Variants in CDC42BPA observed in about 807,000 individuals in gnomAD.
The protein encoded by CDC42BPA is CDC42 binding protein kinase alpha, also known as serine/threonine-protein kinase MRCK alpha.
A neutral mutation model predicts 223.5 loss-of-function variants in CDC42BPA; 80 were observed. The ratio of observed to expected loss-of-function variants is 0.36; its 90% CI spans 0.30 to 0.43. The LOEUF (loss-of-function observed/expected upper bound fraction) is 0.43, where lower values mean the gene tolerates loss of function less well. Ranked by LOEUF, CDC42BPA falls within the 20% of genes least tolerant of loss-of-function variation. The pLI is 1.00. For missense variants in CDC42BPA, 1,743 were observed against 2,099.9 expected (o/e 0.83, Z 3.32); for synonymous variants, 694 against 718.6 (o/e 0.97, Z 0.55).
At chr1:227,262,824 T>C (rs1248930339) in intron 1 of CDC42BPA, among the ~76,000 whole-genome samples, 1 of 152,240 alleles carries the variant, frequency 6.6e-6, no homozygotes, top group Non-Finnish European at 1.5e-5. Flanking sequence ...TTTTAAAATA[T>C]AACTCACCTA....
rs1669704577 is a variant in CDC42BPA, at chr1:227,033,547, A to C, written c.3477-132T>G. ...CCAAATTTAATTTTTTAAAAAAATTAATTTTCCCCCATTGTAATTAATAGT... is the reference window on the plus strand; with the variant it reads ...CCAAATTTAATTTTTTAAAAAAATTCATTTTCCCCCATTGTAATTAATAGT... On this transcript the variant is annotated intron_variant, in intron 26 of 36. Coordinates refer to ENST00000366766, the MANE Select transcript of CDC42BPA (RefSeq NM_001394014.1). The C allele has an allele frequency of 6.5e-6, 4 of 616,250 alleles. No homozygotes were observed. The East Asian group carries it at 1.1e-4, about 17-fold the overall frequency. 38.2% of individuals were successfully genotyped at this position (616,250 alleles called of 1,614,324 possible).
At chr1:227,235,734 A>G (rs1678892710) in intron 2 of CDC42BPA, among the ~76,000 whole-genome samples, 1 of 152,182 alleles carries the variant, frequency 6.6e-6, no homozygotes, top group African/African-American at 2.4e-5. Flanking sequence ...CTAGCATTCT[A>G]CGCAATGCTT....
intron 2 of CDC42BPA, among the ~76,000 whole-genome samples, chr1:227,246,307 G>GGTA (rs980471978): frequency 6.6e-6 from 1 of 152,144 alleles, no homozygotes; most frequent in African/African-American, 2.4e-5. Flanking sequence ...TAAAACATCA[G>GGTA]GTAGATTGCT....
intron 14 of CDC42BPA, among the ~76,000 whole-genome samples, chr1:227,106,967 T>C (rs1285195882): frequency 6.6e-6 from 1 of 152,232 alleles, no homozygotes; most frequent in Non-Finnish European, 1.5e-5. Context: ...TACTGTAACT[T>C]TGTAGTAAGT....
In CDC42BPA at chr1:227,016,968, A is replaced by G. The variant is rs780611349; in HGVS notation, c.4698T>C (p.Tyr1566=). ...TTTCCTCTTCTGGGACTCTGAAGGA[A>G]TAACGCCGCTTATTGTTAATGTTTC... ...MVRNINNKRR[Y]SFRVPEEERM... Residue 1566 remains tyrosine (Y), a synonymous_variant, in exon 33 of 37, where the codon TAT becomes TAC. Coordinates refer to ENST00000366766, the MANE Select transcript of CDC42BPA (RefSeq NM_001394014.1). 8 of 1,613,386 alleles carry G rather than the reference A, an allele frequency of 5.0e-6. No homozygotes were observed. Among genetic ancestry groups the G allele is most frequent in the Non-Finnish European group, 5.9e-6 (7 of 1,179,598 alleles).
At chr1:227,218,196 T>C (rs577840694) in intron 2 of CDC42BPA, among the ~76,000 whole-genome samples, 6 of 152,282 alleles carry the variant, frequency 3.9e-5, no homozygotes, top group Non-Finnish European at 8.8e-5. Flanking sequence ...AATAAGGTAT[T>C]ATGACAAAAG....
chr1:227,096,835 G>C (rs554669336), intron 15 of CDC42BPA, among the ~76,000 whole-genome samples: 1 of 151,986 alleles, frequency 6.6e-6, no homozygotes, highest in East Asian at 1.9e-4. Context: ...TATGTATTCA[G>C]CTGATGATCT....
chr1:227,139,773 T>TA, intron 9 of CDC42BPA, 31 bp from the exon 10 acceptor site: 1 of 1,376,048 alleles, frequency 7.3e-7, no homozygotes, highest in Non-Finnish European at 9.6e-7. Flanking sequence ...TGTAGGTTCA[T>TA]ACTGTGATAA....
intron 6 of CDC42BPA, among the ~76,000 whole-genome samples, chr1:227,148,028 C>T (rs937883826): frequency 1.3e-5 from 2 of 152,000 alleles, no homozygotes; most frequent in Non-Finnish European, 2.9e-5. Flanking sequence ...AGAAAATACA[C>T]GTCAATAATG....
chr1:227,095,589 GTT>G (rs35570582), intron 15 of CDC42BPA, among the ~76,000 whole-genome samples: 32,577 of 127,580 alleles, frequency 0.26, 3,249 homozygotes, highest in East Asian at 0.26. Context: ...AAGTTCTTTG[GTT>G]TTTTTTTTTT....
At chr1:227,046,110 T>A (rs1469402343) in intron 23 of CDC42BPA, among the ~76,000 whole-genome samples, 1 of 152,114 alleles carries the variant, frequency 6.6e-6, no homozygotes. Flanking sequence ...ATCCCTGATC[T>A]TTTTCCTTTG....
rs376346662 is a variant in CDC42BPA at position 227,235,842 on chromosome 1, A to G, written c.270+18222T>C. Among the ~76,000 whole-genome samples the G allele has an allele frequency of 5.9e-5, 9 of 152,320 alleles. No homozygotes were observed. The East Asian group carries it at 1.7e-3, about 29-fold the overall frequency. ...AAATGGTTTGATTTCAGGTTTTCCA[A>G]AAGAATTGCTAGTGGAATTCCTAAC... On this transcript the variant is annotated intron_variant, in intron 2 of 36. Transcript: ENST00000366766.
intron 2 of CDC42BPA, among the ~76,000 whole-genome samples, chr1:227,251,137 G>C: frequency 6.6e-6 from 1 of 151,922 alleles, no homozygotes; most frequent in East Asian, 1.9e-4. Context: ...GTGAAGAGCA[G>C]AGAAAATACA....
intron 1 of CDC42BPA, among the ~76,000 whole-genome samples, chr1:227,270,852 T>C (rs1392118111): frequency 6.6e-6 from 1 of 152,218 alleles, no homozygotes; most frequent in Non-Finnish European, 1.5e-5. Context: ...ATGTCTGGCT[T>C]ATGTCACTAG....
intron 9 of CDC42BPA, among the ~76,000 whole-genome samples, chr1:227,140,896 T>A (rs1047282296): frequency 6.6e-6 from 1 of 152,030 alleles, no homozygotes; most frequent in African/African-American, 2.4e-5. Context: ...AGAGTTTAGA[T>A]GGAAAAGAGA....
chr1:227,040,712 T>C (rs1572424294), intron 23 of CDC42BPA, among the ~76,000 whole-genome samples: 1 of 152,148 alleles, frequency 6.6e-6, no homozygotes, highest in Non-Finnish European at 1.5e-5. Flanking sequence ...CAAGGACAAA[T>C]AATATGCTTC....
chr1:227,164,697 C>G (rs555047665), intron 5 of CDC42BPA, among the ~76,000 whole-genome samples: 1 of 151,162 alleles, frequency 6.6e-6, no homozygotes, highest in Admixed American at 6.6e-5. Context: ...CGCACACACA[C>G]GTGCACGCAC....
intron 24 of CDC42BPA, among the ~76,000 whole-genome samples, chr1:227,037,097 T>C (rs1213751383): frequency 6.6e-6 from 1 of 152,200 alleles, no homozygotes; most frequent in African/African-American, 2.4e-5. Context: ...AAAAATGACA[T>C]GGGACTTAAA....
intron 31 of CDC42BPA, among the ~76,000 whole-genome samples, chr1:227,025,642 G>A (rs978485922): frequency 6.6e-6 from 1 of 151,996 alleles, no homozygotes; most frequent in Non-Finnish European, 1.5e-5. Flanking sequence ...AAACAGTTTT[G>A]GTTCTAAGTT....
Sources: gnomAD v4.1 joint callset for allele counts (sites outside exome capture counted in the v4.1 genomes callset) on GRCh38, gnomAD v4.1.1 for gene constraint, MANE v1.5 for transcripts, NCBI Gene and HGNC (gene_info 2026-07-23, HGNC 2026-07-21) for gene names.